Variants in CYP2C18 observed in about 807,000 individuals in gnomAD.
CYP2C18 encodes the protein cytochrome P450 2C18.
Under a neutral mutation model 41.3 loss-of-function variants are expected in CYP2C18, and 38 were observed. The observed-to-expected ratio is 0.92, with a 90% CI of 0.71 to 1.21. The LOEUF (loss-of-function observed/expected upper bound fraction) is 1.21, where lower values mean the gene tolerates loss of function less well. CYP2C18 is among the 50% of genes most tolerant of loss of function. CYP2C18 has a pLI of 0.00. For synonymous variants in CYP2C18, 236 were observed against 210.0 expected (o/e 1.12, Z -1.07); for missense variants, 635 against 591.4 (o/e 1.07, Z -0.77).
At chr10:94,702,194 A>G (rs978916410) in intron 4 of CYP2C18, among the ~76,000 whole-genome samples, 3 of 152,044 alleles carry the variant, frequency 2.0e-5, no homozygotes, top group Non-Finnish European at 4.4e-5. Context: ...ACCTTGGTGC[A>G]TATGATGATT....
intron 4 of CYP2C18, among the ~76,000 whole-genome samples, chr10:94,700,976 C>T (rs892295454): frequency 1.3e-5 from 2 of 152,192 alleles, no homozygotes; most frequent in African/African-American, 4.8e-5. Context: ...ACAACAGGTG[C>T]TGGAGAGGAT....
chr10:94,708,513 T>A (rs1564643293), intron 5 of CYP2C18, among the ~76,000 whole-genome samples: 1 of 152,214 alleles, frequency 6.6e-6, no homozygotes, highest in African/African-American at 2.4e-5. Context: ...TTACTATATT[T>A]AAAAAGTGCA....
intron 3 of CYP2C18, among the ~76,000 whole-genome samples, chr10:94,691,436 G>C (rs1022162305): frequency 1.3e-5 from 2 of 152,086 alleles, no homozygotes; most frequent in Non-Finnish European, 2.9e-5. Flanking sequence ...GCTTCAAAGA[G>C]AATAAAATAC....
chr10:94,714,168 G>A (rs1348769310), intron 5 of CYP2C18, among the ~76,000 whole-genome samples: 2 of 152,148 alleles, frequency 1.3e-5, no homozygotes, highest in African/African-American at 2.4e-5. Context: ...CTGTGCAGAA[G>A]CTCTTTAGTT....
rs367747975 is a variant in CYP2C18 at position 94,691,388 on chromosome 10, CAGAG to C, written c.481+3117_481+3120del. On this transcript the variant is annotated intron_variant, in intron 3 of 8. Transcript: ENST00000285979. ...TTCTTATACACCAATAGCAGACAAA[CAGAG>C]AGCCAAATCATGAGTGAACTCCCAT... 1.3e-4 allele frequency among the ~76,000 whole-genome samples: 20 copies of C among 152,220 alleles called. No individual in the cohort carries two copies. In the East Asian group the frequency reaches 3.3e-3, roughly 25 times the overall value.
chr10:94,733,756 T>C (rs545452816), intron 8 of CYP2C18: 1 of 228,060 alleles, frequency 4.4e-6, no homozygotes, highest in African/African-American at 2.3e-5. Flanking sequence ...ACATTTCTCA[T>C]CTGCCATGAG....
Position 94,706,625 on chromosome 10 carries a change from T to TATCA in CYP2C18, c.643-158_643-155dup, listed in dbSNP as rs1274343635. Among the ~76,000 whole-genome samples, 20 of 152,340 alleles carry TATCA rather than the reference T, an allele frequency of 1.3e-4. No homozygotes were observed. The East Asian group carries it at 3.5e-3, about 26-fold the overall frequency. ...CAGAATTTTCTAACTTAAATCTTTC[T>TATCA]ATCAGTATAGAGGACTACTTTGTAC... On this transcript the variant is annotated intron_variant, in intron 4 of 8. Transcript: ENST00000285979.
chr10:94,717,760 T>C (rs1847577882), intron 5 of CYP2C18, among the ~76,000 whole-genome samples: 1 of 152,122 alleles, frequency 6.6e-6, no homozygotes, highest in Admixed American at 6.6e-5. Context: ...TAAAATCAAT[T>C]GTAGTTGCAT....
chr10:94,699,672 G>C (rs114668692), intron 4 of CYP2C18, among the ~76,000 whole-genome samples: 1,996 of 152,156 alleles, frequency 0.013, 42 homozygotes, highest in African/African-American at 0.044. Context: ...AATTAGTAAA[G>C]GAGGAAGTAA....
chr10:94,714,480 A>G (rs1847503479), intron 5 of CYP2C18, among the ~76,000 whole-genome samples: 1 of 152,132 alleles, frequency 6.6e-6, no homozygotes, highest in South Asian at 2.1e-4. Context: ...CAAAGATCAG[A>G]TGGTTGTAGA....
intron 4 of CYP2C18, among the ~76,000 whole-genome samples, chr10:94,701,370 C>CA (rs1311940068): frequency 3.3e-5 from 5 of 151,644 alleles, no homozygotes; most frequent in South Asian, 2.1e-4. Flanking sequence ...ATCGCAAGGA[C>CA]AAAAAACCAA....
chr10:94,733,073 C>T (rs1319664189), intron 7 of CYP2C18, among the ~76,000 whole-genome samples: 1 of 152,076 alleles, frequency 6.6e-6, no homozygotes, highest in Admixed American at 6.6e-5. Flanking sequence ...CTCAAATGCT[C>T]AGGACTTCAA....
intron 6 of CYP2C18, among the ~76,000 whole-genome samples, 177 bp from the exon 7 acceptor site, chr10:94,724,169 G>A (rs1431162593): frequency 2.0e-5 from 3 of 151,636 alleles, no homozygotes; most frequent in Non-Finnish European, 4.4e-5. Context: ...TTAGCTTGTA[G>A]GAGAGTTGGA....
rs1482819756 is a variant in CYP2C18 at position 94,724,441 on chromosome 10, C to G, written c.1057C>G (p.His353Asp). The change falls in exon 7 of 9, where the codon CAC (histidine) becomes GAC (aspartate). Residue 353 changes from histidine (H) to aspartate (D), a missense_variant. Physicochemically the swap from His to Asp is moderately conservative, Grantham distance 81. Coordinates refer to ENST00000285979, the MANE Select transcript of CYP2C18 (RefSeq NM_000772.3). Reference sequence around the variant, plus strand: ...CATGCCCTACACAGATGCTGTGGTGCACGAGATCCAGAGATACATTGACCT... The same window carrying G: ...CATGCCCTACACAGATGCTGTGGTGGACGAGATCCAGAGATACATTGACCT... The part of the protein sequence containing the change: ...SHMPYTDAVV[H>D]EIQRYIDLLP... 6.2e-7 allele frequency: 1 copy of G among 1,613,604 alleles called. No homozygotes were observed. The highest frequency in any genetic ancestry group is 1.1e-5 in the South Asian group (1 of 91,066).
chr10:94,699,507 A>T (rs1847191422), intron 4 of CYP2C18, among the ~76,000 whole-genome samples: 1 of 152,264 alleles, frequency 6.6e-6, no homozygotes, highest in Non-Finnish European at 1.5e-5. Flanking sequence ...TCTATGACAA[A>T]CCCAAAGCTG....
Position 94,735,341 on chromosome 10 carries a change from A to G in CYP2C18, c.1370A>G (p.Asn457Ser). The G allele has an allele frequency of 1.9e-6, 3 of 1,613,732 alleles. No homozygotes were observed. The highest frequency in any genetic ancestry group is 3.3e-4 in the Middle Eastern group (2 of 6,058). Residue 457 changes from asparagine to serine, a missense_variant, in exon 9 of 9, where the codon AAC (asparagine) becomes AGC (serine). Asn to Ser is a conservative substitution (Grantham distance 46). Coordinates refer to ENST00000285979, the MANE Select transcript of CYP2C18 (RefSeq NM_000772.3). Reference sequence around the variant, plus strand: ...CTGACCACCATTTTGCAGAACTTTAACCTGAAATCTCAGGTTGACCCAAAG... The same window carrying G: ...CTGACCACCATTTTGCAGAACTTTAGCCTGAAATCTCAGGTTGACCCAAAG... ...LFLTTILQNF[N>S]LKSQVDPKDI... is the part of the protein sequence containing the mutation.
rs78455314 is a variant in CYP2C18 at position 94,695,168 on chromosome 10, G to T, written c.642+91G>T. On this transcript the variant is annotated intron_variant, in intron 4 of 8. Transcript: ENST00000285979. The stretch of plus-strand genomic sequence containing the variant: ...TTAATTTTTTAAAATTATACTTTAA[G>T]TTCTGGGATATGTGTGCAGAATGGG... The T allele has an allele frequency of 2.6e-3, 3,099 of 1,203,468 alleles. 87 individuals are homozygous for T. The African/African-American group carries it at 0.044, about 17-fold the overall frequency. 74.5% of individuals were successfully genotyped at this position (1,203,468 alleles called of 1,614,324 possible).
At chr10:94,721,101 C>T (rs543935933) in intron 6 of CYP2C18, among the ~76,000 whole-genome samples, 1 of 151,992 alleles carries the variant, frequency 6.6e-6, no homozygotes, top group East Asian at 1.9e-4. Context: ...GCAACCTCCG[C>T]CTCCCGGGTT....
At chr10:94,710,356 A>C (rs1344829769) in intron 5 of CYP2C18, among the ~76,000 whole-genome samples, 1 of 152,142 alleles carries the variant, frequency 6.6e-6, no homozygotes, top group East Asian at 1.9e-4. Flanking sequence ...GTTCTTAGCT[A>C]TTTTGGTTGT....
Sources: gnomAD v4.1 joint callset for allele counts (sites outside exome capture counted in the v4.1 genomes callset) on GRCh38, gnomAD v4.1.1 for gene constraint, MANE v1.5 for transcripts, NCBI Gene and HGNC (gene_info 2026-07-23, HGNC 2026-07-21) for gene names.